The following LINGO2 variants were observed in gnomAD, a reference collection of about 807,000 sequenced individuals.
The protein encoded by LINGO2 is leucine rich repeat and Ig domain containing 2.
In LINGO2, 14 loss-of-function variants were observed where a neutral mutation model predicts 30.6. The observed-to-expected ratio is 0.46, with a 90% CI of 0.30 to 0.72. The LOEUF is 0.72. Ranked by LOEUF, LINGO2 falls within the 30% of genes least tolerant of loss-of-function variation. LINGO2 has a pLI of 0.07. For synonymous variants in LINGO2, 317 were observed against 288.5 expected (o/e 1.10, Z -1.00); for missense variants, 729 against 751.7 (o/e 0.97, Z 0.35).
the LINGO2 span, among the ~76,000 whole-genome samples, chr9:28,829,849 C>T: frequency 6.6e-6 from 1 of 152,094 alleles, no homozygotes; most frequent in Non-Finnish European, 1.5e-5. Flanking sequence ...AAGATCATGC[C>T]ACTGCACTCC....
chr9:28,026,656 T>G (rs1004927295), intron 4 of LINGO2, among the ~76,000 whole-genome samples: 41 of 152,224 alleles, frequency 2.7e-4, no homozygotes, highest in African/African-American at 9.4e-4. Flanking sequence ...TATTTTCAAG[T>G]CAGTCAATAC....
At chr9:28,238,552 T>G (rs2133963430) in intron 4 of LINGO2, among the ~76,000 whole-genome samples, 1 of 152,150 alleles carries the variant, frequency 6.6e-6, no homozygotes, top group Non-Finnish European at 1.5e-5. Context: ...TGACAGTGGG[T>G]CAATAAAGAA....
intron 1 of LINGO2, among the ~76,000 whole-genome samples, chr9:28,642,036 G>A (rs1827615567): frequency 6.7e-6 from 1 of 150,374 alleles, no homozygotes; most frequent in African/African-American, 2.5e-5. Context: ...GCTAGCTAAA[G>A]CATTTCCTTA....
the LINGO2 span, among the ~76,000 whole-genome samples, chr9:28,805,209 A>G: frequency 6.6e-6 from 1 of 152,192 alleles, no homozygotes; most frequent in Admixed American, 6.6e-5. Context: ...AGAAACATTT[A>G]TATTTCTAAG....
intron 4 of LINGO2, among the ~76,000 whole-genome samples, chr9:28,117,261 T>C (rs916231928): frequency 1.3e-5 from 2 of 151,670 alleles, no homozygotes; most frequent in Non-Finnish European, 2.9e-5. Context: ...GGAGGCAGTC[T>C]GCCCGTTCTC....
intron 2 of LINGO2, among the ~76,000 whole-genome samples, chr9:28,438,447 G>A (rs959439336): frequency 1.3e-5 from 2 of 152,118 alleles, no homozygotes; most frequent in Non-Finnish European, 2.9e-5. Flanking sequence ...TGATTCTTGG[G>A]TCTTCAGGTT....
At chr9:28,379,625 G>A (rs77252641) in intron 2 of LINGO2, among the ~76,000 whole-genome samples, 1,807 of 152,178 alleles carry the variant, frequency 0.012, 38 homozygotes, top group African/African-American at 0.042. Flanking sequence ...CAGGAAATGC[G>A]ATGTGCCTCC....
chr9:29,157,095 T>G, the LINGO2 span, among the ~76,000 whole-genome samples: 1 of 151,464 alleles, frequency 6.6e-6, no homozygotes, highest in Non-Finnish European at 1.5e-5. Flanking sequence ...ACACAAAAGT[T>G]AAAAAAAAGA....
At chr9:28,016,710 C>T (rs1472487182) in intron 4 of LINGO2, among the ~76,000 whole-genome samples, 2 of 148,492 alleles carry the variant, frequency 1.3e-5, no homozygotes, top group Non-Finnish European at 3.0e-5. Flanking sequence ...AGCCTACCAA[C>T]CCACAAAAAG....
At chr9:28,583,892 C>T (rs900268636) in intron 1 of LINGO2, among the ~76,000 whole-genome samples, 5 of 151,984 alleles carry the variant, frequency 3.3e-5, no homozygotes. Context: ...GAAGGTTCTT[C>T]CCTATTGAAT....
chr9:28,292,833 C>T (rs1009015684), intron 4 of LINGO2, among the ~76,000 whole-genome samples: 2 of 151,754 alleles, frequency 1.3e-5, no homozygotes, highest in East Asian at 1.9e-4. Flanking sequence ...TGCAGTGACA[C>T]GATCTCGGTT....
chr9:28,138,269 C>A (rs1827572161), intron 4 of LINGO2, among the ~76,000 whole-genome samples: 1 of 152,146 alleles, frequency 6.6e-6, no homozygotes, highest in South Asian at 2.1e-4. Context: ...TTCAGTAATT[C>A]TCTCTGGACT....
At chr9:28,287,067 G>A (rs1003821124) in intron 4 of LINGO2, among the ~76,000 whole-genome samples, 1 of 152,122 alleles carries the variant, frequency 6.6e-6, no homozygotes, top group African/African-American at 2.4e-5. Flanking sequence ...TAAGTCTTAA[G>A]GAAGAAAGAC....
the LINGO2 span, among the ~76,000 whole-genome samples, chr9:28,923,605 A>G: frequency 6.0e-5 from 9 of 149,064 alleles, no homozygotes; most frequent in Admixed American, 6.2e-4. Flanking sequence ...GAAATGAATT[A>G]CTTGGCATAC....
At chr9:29,002,126 T>C in the LINGO2 span, among the ~76,000 whole-genome samples, 1 of 151,994 alleles carries the variant, frequency 6.6e-6, no homozygotes, top group South Asian at 2.1e-4. Flanking sequence ...TTAGTCAGAG[T>C]TATTAAAGTC....
At chr9:29,187,136 C>A in the LINGO2 span, among the ~76,000 whole-genome samples, 1 of 152,252 alleles carries the variant, frequency 6.6e-6, no homozygotes, top group Non-Finnish European at 1.5e-5. Context: ...CGAGTACTCT[C>A]CCTGCTGTAT....
chr9:29,073,446 G>A, the LINGO2 span, among the ~76,000 whole-genome samples: 2 of 152,062 alleles, frequency 1.3e-5, no homozygotes, highest in African/African-American at 4.8e-5. Context: ...AATTCAACCT[G>A]CCACCTGTTT....
chr9:29,116,704 A>G, the LINGO2 span, among the ~76,000 whole-genome samples: 1 of 152,054 alleles, frequency 6.6e-6, no homozygotes. Flanking sequence ...CAAAAACTTC[A>G]ATGACAGTCT....
intron 4 of LINGO2, among the ~76,000 whole-genome samples, chr9:28,253,694 A>T (rs1822284572): frequency 6.6e-6 from 1 of 152,154 alleles, no homozygotes; most frequent in Non-Finnish European, 1.5e-5. Context: ...GGCAAATGCC[A>T]TTACCACCAC....
Sources: allele counts gnomAD v4.1 joint callset (sites outside exome capture counted in the v4.1 genomes callset), GRCh38; gene constraint gnomAD v4.1.1; transcripts MANE v1.5; gene names NCBI Gene and HGNC (gene_info 2026-07-23, HGNC 2026-07-21).